SCMH1: variants seen among roughly 807,000 people sequenced by gnomAD.
SCMH1 encodes Scm polycomb group protein homolog 1, also known as polycomb protein SCMH1.
Under a neutral mutation model 70.8 loss-of-function variants are expected in SCMH1, and 37 were observed. That is an observed-to-expected ratio of 0.52 (90% CI 0.40 to 0.69). The LOEUF (loss-of-function observed/expected upper bound fraction) is 0.69. Among genes scored for constraint, SCMH1 ranks in the 30% least tolerant of loss-of-function variants. SCMH1 has a pLI of 0.00. For synonymous variants in SCMH1, 292 were observed against 307.4 expected (o/e 0.95, Z 0.52); for missense variants, 607 against 827.3 (o/e 0.73, Z 3.27).
intron 6 of SCMH1, among the ~76,000 whole-genome samples, chr1:41,136,363 T>C (rs1643311537): frequency 6.6e-6 from 1 of 151,568 alleles, no homozygotes; most frequent in South Asian, 2.1e-4. Flanking sequence ...CCCTTTGTCA[T>C]TTCTTCTTTT....
At chr1:41,194,248 G>T (rs1270403983) in intron 1 of SCMH1, among the ~76,000 whole-genome samples, 1 of 152,090 alleles carries the variant, frequency 6.6e-6, no homozygotes, top group Non-Finnish European at 1.5e-5. Flanking sequence ...TCTGTTTTTT[G>T]TGACACATAT....
intron 2 of SCMH1, among the ~76,000 whole-genome samples, chr1:41,176,180 CAAAAAAAACA>C (rs1342770029): frequency 1.4e-5 from 1 of 71,260 alleles, no homozygotes; most frequent in African/African-American, 5.4e-5. Flanking sequence ...AAAAAAAAAC[CAAAAAAAACA>C]AAAAAAAAAC....
chr1:41,050,937 A>C (rs1355768328), intron 10 of SCMH1, among the ~76,000 whole-genome samples: 1 of 152,190 alleles, frequency 6.6e-6, no homozygotes, highest in Non-Finnish European at 1.5e-5. Flanking sequence ...CTTTTACTGA[A>C]ATAACTAAAA....
chr1:41,051,017 T>G (rs1386155289), intron 10 of SCMH1, among the ~76,000 whole-genome samples: 1 of 152,118 alleles, frequency 6.6e-6, no homozygotes, highest in Non-Finnish European at 1.5e-5. Flanking sequence ...TATAAGAATG[T>G]TCATAATAGT....
chr1:41,081,545 T>A (rs1002805049), intron 8 of SCMH1, among the ~76,000 whole-genome samples: 1 of 152,204 alleles, frequency 6.6e-6, no homozygotes, highest in African/African-American at 2.4e-5. Flanking sequence ...TTGTTGGGCA[T>A]GGTGTTTCAT....
chr1:41,186,153 G>A lies in SCMH1; in HGVS notation c.-20C>T, dbSNP rs971156630. The A allele has an allele frequency of 3.3e-5, 46 of 1,404,140 alleles. No homozygotes were observed. In the African/African-American group the frequency reaches 4.4e-4, roughly 13 times the overall value. The allele number at this position is 1,404,140 out of a possible 1,614,324, so 87.0% of individuals were successfully genotyped here. A position where few individuals can be genotyped will look rare whatever the true frequency, so the allele number is the denominator to read the frequency against. ...CTGCATAGTCAATGGACTAAAAACC[G>A]GTCTAGGGGTTAAGAAGTTTGGGAT... On this transcript the variant is annotated 5_prime_UTR_variant, in exon 2 of 15. Coordinates refer to ENST00000337495, the Ensembl canonical transcript of SCMH1.
intron 1 of SCMH1, among the ~76,000 whole-genome samples, chr1:41,235,402 C>G (rs1318661138): frequency 6.6e-6 from 1 of 151,516 alleles, no homozygotes; most frequent in African/African-American, 2.4e-5. Context: ...GAAACCCCGT[C>G]TCTACTAAAA....
chr1:41,050,303 T>G (rs1056863020), intron 10 of SCMH1, among the ~76,000 whole-genome samples: 9 of 152,280 alleles, frequency 5.9e-5, no homozygotes, highest in African/African-American at 2.2e-4. Flanking sequence ...CTTTCTTGTG[T>G]GGTTGTGGCT....
At chr1:41,194,758 G>A (rs1308455327) in intron 1 of SCMH1, among the ~76,000 whole-genome samples, 1 of 152,150 alleles carries the variant, frequency 6.6e-6, no homozygotes, top group African/African-American at 2.4e-5. Flanking sequence ...ATCTACACAG[G>A]AACCAAATGA....
chr1:41,107,983 AAATT>A (rs752248454), intron 8 of SCMH1, among the ~76,000 whole-genome samples: 15 of 152,222 alleles, frequency 9.9e-5, no homozygotes, highest in Non-Finnish European at 2.9e-5. Context: ...TCTAAGCATC[AAATT>A]ATTACCCTCC....
chr1:41,221,099 T>C (rs778301223), intron 1 of SCMH1, among the ~76,000 whole-genome samples: 5 of 152,196 alleles, frequency 3.3e-5, no homozygotes, highest in Non-Finnish European at 5.9e-5. Context: ...TCACTATTAT[T>C]ACCACCATCA....
At chr1:41,160,975 T>TA (rs1330747611) in intron 3 of SCMH1, 77 bp from the exon 4 acceptor site, 2 of 1,355,806 alleles carry the variant, frequency 1.5e-6, no homozygotes, top group Admixed American at 2.0e-5. Context: ...AATTCTGGGG[T>TA]AAAATAGGAA....
rs553156050 is a variant in SCMH1, at chr1:41,079,403, A to C, written c.746-3952T>G. 2.0e-5 allele frequency among the ~76,000 whole-genome samples: 3 copies of C among 152,272 alleles called. No individual in the cohort carries two copies. In the South Asian group the frequency reaches 6.2e-4, roughly 32 times the overall value. On this transcript the variant is annotated intron_variant, in intron 8 of 14. Transcript: ENST00000337495. ...GTTTATAAGAGGGCCCTGAGATACA[A>C]AGACACTCAAAATATAAAAACACAG...
At chr1:41,074,142 A>G (rs1180500631) in intron 9 of SCMH1, among the ~76,000 whole-genome samples, 1 of 151,542 alleles carries the variant, frequency 6.6e-6, no homozygotes, top group Non-Finnish European at 1.5e-5. Flanking sequence ...GGCCATGACT[A>G]AGAGGTAGTA....
At chr1:41,238,553 C>G (rs1187196825) in intron 1 of SCMH1, among the ~76,000 whole-genome samples, 1 of 152,164 alleles carries the variant, frequency 6.6e-6, no homozygotes. Flanking sequence ...TGATTAATCC[C>G]CTATCTTTAC....
chr1:41,091,671 C>T (rs559143535), intron 8 of SCMH1, among the ~76,000 whole-genome samples: 42 of 152,242 alleles, frequency 2.8e-4, no homozygotes, highest in South Asian at 8.3e-4. Flanking sequence ...TAAGCTGATA[C>T]GCAACTTCAG....
Position 41,180,457 on chromosome 1 carries a change from T to C in SCMH1, c.13+5664A>G, listed in dbSNP as rs377599497. Among the ~76,000 whole-genome samples the C allele has an allele frequency of 3.4e-4, 52 of 152,072 alleles. No homozygotes were observed. The South Asian group carries it at 7.7e-3, about 22-fold the overall frequency. On this transcript the variant is annotated intron_variant, in intron 2 of 14. Coordinates refer to ENST00000337495, the Ensembl canonical transcript of SCMH1. ...TTTGCAGAGGACATGATTGTATATC[T>C]AGAAAACCCCATCGTTAAGCTGATA...
chr1:41,070,406 C>T (rs1410456554), intron 10 of SCMH1, among the ~76,000 whole-genome samples, 189 bp downstream of exon 10: 1 of 152,176 alleles, frequency 6.6e-6, no homozygotes, highest in Admixed American at 6.5e-5. Flanking sequence ...TTCCCCATCC[C>T]TGAGTTCACA....
At chr1:41,157,728 C>T (rs761590362) in intron 4 of SCMH1, among the ~76,000 whole-genome samples, 2 of 152,184 alleles carry the variant, frequency 1.3e-5, no homozygotes, top group Admixed American at 6.5e-5. Context: ...GCCCATGTTA[C>T]TCACACTCAG....
Sources: gnomAD v4.1 joint callset for allele counts (sites outside exome capture counted in the v4.1 genomes callset) on GRCh38, gnomAD v4.1.1 for gene constraint, MANE v1.5 for transcripts, NCBI Gene and HGNC (gene_info 2026-07-23, HGNC 2026-07-21) for gene names.